Variants in NKD1 observed in about 807,000 individuals in gnomAD.
NKD1 encodes the protein NKD inhibitor of Wnt signaling pathway 1.
NKD1 carries 21 observed loss-of-function variants against 56.0 expected under a neutral mutation model. The observed-to-expected ratio is 0.38, with a 90% CI of 0.27 to 0.54. The LOEUF (loss-of-function observed/expected upper bound fraction) is 0.54, where lower values mean the gene tolerates loss of function less well. Ranked by LOEUF, NKD1 falls within the 20% of genes least tolerant of loss-of-function variation. The pLI is 0.82. For missense variants in NKD1, 578 were observed against 642.7 expected (o/e 0.90, Z 1.09); for synonymous variants, 263 against 265.7 (o/e 0.99, Z 0.10).
At chr16:50,622,359 T>A (rs1480213038) in intron 5 of NKD1, among the ~76,000 whole-genome samples, 1 of 152,056 alleles carries the variant, frequency 6.6e-6, no homozygotes, top group East Asian at 1.9e-4. Flanking sequence ...ACCCAGTGGC[T>A]GCACAGTCTG....
At chr16:50,592,423 C>T (rs1454621685) in intron 3 of NKD1, among the ~76,000 whole-genome samples, 15 of 152,188 alleles carry the variant, frequency 9.9e-5, no homozygotes, top group Non-Finnish European at 1.8e-4. Flanking sequence ...ATGGTTTTAT[C>T]GATGCACAGA....
At chr16:50,582,677 C>T (rs1487789222) in intron 3 of NKD1, among the ~76,000 whole-genome samples, 1 of 152,248 alleles carries the variant, frequency 6.6e-6, no homozygotes, top group South Asian at 2.1e-4. Context: ...GCTGCAGACC[C>T]ATCCCAGGCC....
At chr16:50,590,159 G>A (rs1341709791) in intron 3 of NKD1, among the ~76,000 whole-genome samples, 5 of 152,102 alleles carry the variant, frequency 3.3e-5, no homozygotes, top group Non-Finnish European at 5.9e-5. Flanking sequence ...ACACTCTTTT[G>A]ACCTTGATAC....
intron 3 of NKD1, among the ~76,000 whole-genome samples, chr16:50,578,528 G>A (rs1401268915): frequency 2.6e-5 from 4 of 152,144 alleles, no homozygotes; most frequent in Non-Finnish European, 5.9e-5. Context: ...TGTTCCAGAA[G>A]ATTCTGCCTC....
intron 6 of NKD1, among the ~76,000 whole-genome samples, chr16:50,626,115 A>G (rs1962208099): frequency 6.6e-6 from 1 of 152,206 alleles, no homozygotes; most frequent in Non-Finnish European, 1.5e-5. Context: ...CTCTGGTCAC[A>G]GCCTCGTCCC....
At chr16:50,611,797 C>T (rs4785441) in intron 4 of NKD1, among the ~76,000 whole-genome samples, 15,625 of 152,232 alleles carry the variant, frequency 0.1, 2,034 homozygotes, top group African/African-American at 0.31. Flanking sequence ...TGTGGCTCAA[C>T]TTCCTCACTG....
At position 50,614,319 on chromosome 16, in the gene NKD1, C is replaced by T. The variant is rs1013426631; in HGVS notation, c.259+5959C>T. Among the ~76,000 whole-genome samples the T allele has an allele frequency of 2.7e-5, 4 of 149,436 alleles. No individual in the cohort carries two copies. The East Asian group carries it at 5.9e-4, about 22-fold the overall frequency. The stretch of plus-strand genomic sequence containing the variant: ...CTAGGGTAGATCTTGCCTAAAAAGG[C>T]CTGTTTGGATTCTGGAGCTAAAACC... On this transcript the variant is annotated intron_variant, in intron 4 of 9. Coordinates refer to ENST00000268459, the MANE Select transcript of NKD1 (RefSeq NM_033119.5).
At chr16:50,629,887 G>A (rs1489741288) in intron 6 of NKD1, among the ~76,000 whole-genome samples, 1 of 152,168 alleles carries the variant, frequency 6.6e-6, no homozygotes, top group Admixed American at 6.5e-5. Flanking sequence ...CTGTTCCAAG[G>A]TGGGCTCCAC....
rs1962136516 is a variant in NKD1 at position 50,623,370 on chromosome 16, C to G, written c.366+1662C>G. ...CTCGCCTGAGGAGGATAGGTAGTAT[C>G]TAGTAGGAGTTAGGGCTGCCAGCTT... On this transcript the variant is annotated intron_variant, in intron 5 of 9. Coordinates refer to ENST00000268459, the MANE Select transcript of NKD1 (RefSeq NM_033119.5). This position sits in a 1 kb window ranked among gnomAD's most constrained non-coding sequence, Gnocchi z 4.1. Among the ~76,000 whole-genome samples the G allele has an allele frequency of 6.6e-6, 1 of 152,132 alleles. No individual in the cohort carries two copies. Among genetic ancestry groups the G allele is most frequent in the African/African-American group, 2.4e-5 (1 of 41,442 alleles).
chr16:50,572,213 G>A lies in NKD1; in HGVS notation c.192+22658G>A, dbSNP rs1165221917. On this transcript the variant is annotated intron_variant, in intron 3 of 9. Coordinates refer to ENST00000268459, the MANE Select transcript of NKD1 (RefSeq NM_033119.5). ...TGTGACTTATTCATGTGGCAGTTGA[G>A]TTACTGCTCACCTCCCACAGGAACA... 2.0e-5 allele frequency among the ~76,000 whole-genome samples: 3 copies of A among 152,182 alleles called. No homozygotes were observed. The East Asian group carries it at 5.8e-4, about 29-fold the overall frequency.
chr16:50,615,053 C>T (rs1363809054), intron 4 of NKD1, among the ~76,000 whole-genome samples: 1 of 152,106 alleles, frequency 6.6e-6, no homozygotes, highest in Non-Finnish European at 1.5e-5. Context: ...GATCAGTCTC[C>T]ATAAACTAGA....
chr16:50,583,481 T>TG (rs976555331), intron 3 of NKD1, among the ~76,000 whole-genome samples: 1 of 152,148 alleles, frequency 6.6e-6, no homozygotes, highest in Non-Finnish European at 1.5e-5. Context: ...AAACTCCTGA[T>TG]GACAGCAGCC....
chr16:50,632,596 G>A lies in NKD1; in HGVS notation c.823+188G>A, dbSNP rs1269211255. ...TTCAAAATTAAAGTAATACATGCAC[G>A]AAATCGAACAAAATCCAATAGTATC... On this transcript the variant is annotated intron_variant, in intron 9 of 9. Coordinates refer to ENST00000268459, the MANE Select transcript of NKD1 (RefSeq NM_033119.5). The surrounding 1 kb of genome is among the most constrained non-coding windows in gnomAD (Gnocchi z 4.1). 4.6e-5 allele frequency among the ~76,000 whole-genome samples: 7 copies of A among 152,196 alleles called. No individual in the cohort carries two copies. Among genetic ancestry groups the A allele is most frequent in the Admixed American group, 2.6e-4 (4 of 15,280 alleles).
chr16:50,616,382 GTGT>G, intron 4 of NKD1, among the ~76,000 whole-genome samples: 1 of 152,294 alleles, frequency 6.6e-6, no homozygotes, highest in East Asian at 1.9e-4. Context: ...TTTCTGGATT[GTGT>G]TAAGATAAGC....
chr16:50,589,496 C>T (rs919260778), intron 3 of NKD1, among the ~76,000 whole-genome samples: 9 of 152,178 alleles, frequency 5.9e-5, no homozygotes, highest in African/African-American at 1.9e-4. Context: ...GCACTTGCAG[C>T]CCACTCTAGT....
At chr16:50,609,260 A>T (rs776802080) in intron 4 of NKD1, among the ~76,000 whole-genome samples, 12 of 152,344 alleles carry the variant, frequency 7.9e-5, no homozygotes, top group Admixed American at 5.9e-4. Context: ...CTCAGCTTCC[A>T]CATCTATAGA....
At chr16:50,554,191 G>T (rs537632180) in intron 3 of NKD1, among the ~76,000 whole-genome samples, 3 of 152,114 alleles carry the variant, frequency 2.0e-5, no homozygotes, top group Admixed American at 6.5e-5. Flanking sequence ...TCACATTTTT[G>T]TAGGAAACCT....
chr16:50,574,120 C>T, intron 3 of NKD1: 1 of 846,194 alleles, frequency 1.2e-6, no homozygotes, highest in Admixed American at 6.2e-5. Flanking sequence ...TTCCTAGTCA[C>T]ATGGGTATTG....
chr16:50,585,239 G>A (rs553613200), intron 3 of NKD1, among the ~76,000 whole-genome samples: 2 of 152,238 alleles, frequency 1.3e-5, no homozygotes, highest in South Asian at 4.1e-4. Flanking sequence ...AACCAAGGGG[G>A]ATAGCTAAAG....
Sources: allele counts gnomAD v4.1 joint callset (sites outside exome capture counted in the v4.1 genomes callset), GRCh38; gene constraint gnomAD v4.1.1; non-coding constraint Gnocchi (gnomAD v3.1); transcripts MANE v1.5; gene names NCBI Gene and HGNC (gene_info 2026-07-23, HGNC 2026-07-21).